LINGO2: variants seen among roughly 807,000 people sequenced by gnomAD.
The protein encoded by LINGO2 is leucine rich repeat and Ig domain containing 2.
A neutral mutation model predicts 30.6 loss-of-function variants in LINGO2; 14 were observed. The ratio of observed to expected loss-of-function variants is 0.46; its 90% CI spans 0.30 to 0.72. The LOEUF is 0.72. LINGO2 is among the 30% of genes least tolerant of loss of function. The pLI, the probability that LINGO2 is intolerant of heterozygous loss-of-function variation, is 0.07. For synonymous variants in LINGO2, 317 were observed against 288.5 expected, an observed-to-expected ratio of 1.10 and a Z score of -1.00; for missense variants, 729 against 751.7, an observed-to-expected ratio of 0.97 and a Z score of 0.35.
the LINGO2 span, among the ~76,000 whole-genome samples, chr9:28,680,827 C>G: frequency 5.3e-5 from 8 of 152,028 alleles, no homozygotes; most frequent in Middle Eastern, 0.017. Context: ...ATTTGTTGTC[C>G]TGCTATTGAG....
At chr9:28,038,486 G>A (rs11792073) in intron 4 of LINGO2, among the ~76,000 whole-genome samples, 3,687 of 152,220 alleles carry the variant, frequency 0.024, 147 homozygotes, top group East Asian at 0.11. Flanking sequence ...GAGGTCAGGA[G>A]ATCGAGACCA....
the LINGO2 span, among the ~76,000 whole-genome samples, chr9:28,798,536 C>A: frequency 6.6e-6 from 1 of 151,944 alleles, no homozygotes; most frequent in Admixed American, 6.6e-5. Flanking sequence ...GATTTCAGGC[C>A]ATGACTTGAA....
At chr9:28,191,066 G>A (rs1377858769) in intron 4 of LINGO2, among the ~76,000 whole-genome samples, 1 of 152,088 alleles carries the variant, frequency 6.6e-6, no homozygotes, top group Non-Finnish European at 1.5e-5. Flanking sequence ...CTTAGTCATT[G>A]TTTCTTAATT....
chr9:28,815,179 C>T, the LINGO2 span, among the ~76,000 whole-genome samples: 38 of 152,264 alleles, frequency 2.5e-4, 1 homozygote, highest in South Asian at 1.0e-3. Context: ...TAAGTGAAGA[C>T]GCACCTCACA....
At chr9:28,549,479 G>A (rs998242692) in intron 1 of LINGO2, among the ~76,000 whole-genome samples, 9 of 151,944 alleles carry the variant, frequency 5.9e-5, no homozygotes, top group Non-Finnish European at 8.8e-5. Flanking sequence ...AGGGTTTAAA[G>A]TTAAAAATGG....
the LINGO2 span, among the ~76,000 whole-genome samples, chr9:28,979,577 C>T: frequency 6.6e-6 from 1 of 151,982 alleles, no homozygotes; most frequent in Non-Finnish European, 1.5e-5. Flanking sequence ...CAAATGGGAC[C>T]TTTGGCTATT....
intron 3 of LINGO2, among the ~76,000 whole-genome samples, chr9:28,362,626 G>A (rs377326711): frequency 6.6e-6 from 1 of 151,866 alleles, no homozygotes; most frequent in South Asian, 2.1e-4. Context: ...ATGCATCACC[G>A]CATTTGGCTA....
chr9:28,986,010 TA>T, the LINGO2 span, among the ~76,000 whole-genome samples: 1 of 152,126 alleles, frequency 6.6e-6, no homozygotes, highest in African/African-American at 2.4e-5. Context: ...ATTAAGTCTT[TA>T]ATCCATCTTG....
chr9:28,497,091 A>T (rs1481386767), intron 1 of LINGO2, among the ~76,000 whole-genome samples: 1 of 151,890 alleles, frequency 6.6e-6, no homozygotes, highest in Non-Finnish European at 1.5e-5. Flanking sequence ...TGCCCTTAAC[A>T]TTTTTTCCTT....
the LINGO2 span, among the ~76,000 whole-genome samples, chr9:28,676,297 G>A: frequency 0.11 from 16,115 of 151,748 alleles, 978 homozygotes; most frequent in African/African-American, 0.15. Context: ...GAGAAGACAG[G>A]AACATAGGAA....
At chr9:29,094,242 CTGA>C in the LINGO2 span, among the ~76,000 whole-genome samples, 1 of 138,624 alleles carries the variant, frequency 7.2e-6, no homozygotes, top group Admixed American at 7.4e-5. Context: ...ATCCTTTACT[CTGA>C]TTTAGAACAG....
At chr9:28,746,455 T>C in the LINGO2 span, among the ~76,000 whole-genome samples, 4 of 152,002 alleles carry the variant, frequency 2.6e-5, no homozygotes, top group Admixed American at 6.6e-5. Flanking sequence ...TCATATCTAA[T>C]TGGTCAAGAT....
chr9:28,797,060 G>A, the LINGO2 span, among the ~76,000 whole-genome samples: 1 of 151,322 alleles, frequency 6.6e-6, no homozygotes, highest in African/African-American at 2.4e-5. Flanking sequence ...ATTGAGTGGT[G>A]TATTCAAGAA....
At chr9:28,408,827 G>A (rs185429984) in intron 2 of LINGO2, among the ~76,000 whole-genome samples, 104 of 149,342 alleles carry the variant, frequency 7.0e-4, no homozygotes, top group African/African-American at 2.4e-3. Context: ...CTGGTCCATA[G>A]TCTACAGTCC....
chr9:29,045,313 G>A, the LINGO2 span, among the ~76,000 whole-genome samples: 1 of 152,038 alleles, frequency 6.6e-6, no homozygotes, highest in Non-Finnish European at 1.5e-5. Flanking sequence ...TGCAGAAAGA[G>A]AAATGGTGGA....
chr9:28,256,391 C>T (rs888474350), intron 4 of LINGO2, among the ~76,000 whole-genome samples: 2 of 151,798 alleles, frequency 1.3e-5, no homozygotes, highest in Non-Finnish European at 2.9e-5. Flanking sequence ...ACAAATATGT[C>T]CTTCATGCTA....
chr9:28,813,279 A>G, the LINGO2 span, among the ~76,000 whole-genome samples: 7 of 152,158 alleles, frequency 4.6e-5, no homozygotes, highest in African/African-American at 1.7e-4. Flanking sequence ...TACCAACCCT[A>G]TACATGATAT....
At chr9:28,224,949 C>G (rs548796897) in intron 4 of LINGO2, among the ~76,000 whole-genome samples, 5 of 152,072 alleles carry the variant, frequency 3.3e-5, no homozygotes, top group South Asian at 4.2e-4. Flanking sequence ...AATAGAGAAC[C>G]CAGAAATAAA....
chr9:28,676,710 T>C, the LINGO2 span, among the ~76,000 whole-genome samples: 1 of 152,134 alleles, frequency 6.6e-6, no homozygotes, highest in Non-Finnish European at 1.5e-5. Context: ...TTTCCTTTTG[T>C]TCTTGCCCTT....
Sources: allele counts gnomAD v4.1 joint callset (sites outside exome capture counted in the v4.1 genomes callset), GRCh38; gene constraint gnomAD v4.1.1; transcripts MANE v1.5; gene names NCBI Gene and HGNC (gene_info 2026-07-23, HGNC 2026-07-21).